Variants in MAP7D3 observed in about 807,000 individuals in gnomAD.
MAP7D3 encodes the protein MAP7 domain-containing protein 3.
Under a neutral mutation model 62.2 loss-of-function variants are expected in MAP7D3, and 45 were observed. The observed-to-expected ratio is 0.72, with a 90% CI of 0.57 to 0.93. The LOEUF (loss-of-function observed/expected upper bound fraction) is 0.93, where lower values mean the gene tolerates loss of function less well. Among genes scored for constraint, MAP7D3 ranks in the 40% least tolerant of loss-of-function variants. The probability of loss-of-function intolerance (pLI) is 0.00; values close to 1 mark genes in which losing one functional copy is unlikely to be tolerated. For missense variants in MAP7D3, 711 were observed against 683.1 expected (o/e 1.04, Z -0.45); for synonymous variants, 288 against 248.8 (o/e 1.16, Z -1.48).
intron 13 of MAP7D3, among the ~76,000 whole-genome samples, 164 bp from the exon 14 acceptor site, chrX:136,225,044 C>T (rs1603277746): frequency 8.9e-6 from 1 of 112,073 alleles, no homozygotes; most frequent in East Asian, 2.8e-4. Context: ...AGTTGAGTCC[C>T]CTATCCCAAT....
chrX:136,220,990 T>A (rs367725551), intron 15 of MAP7D3, 27 bp from the exon 16 acceptor site: 1 of 1,052,407 alleles, frequency 9.5e-7, no homozygotes, highest in Non-Finnish European at 1.3e-6. Flanking sequence ...CACAATTAAA[T>A]ATGGAGTTTC....
rs1312380475 is a variant in MAP7D3 at position 136,231,995 on chromosome X, G to A, written c.962C>T (p.Ala321Val). 9.1e-6 allele frequency: 11 copies of A among 1,211,181 alleles called. No homozygotes were observed. Among genetic ancestry groups the A allele is most frequent in the Non-Finnish European group, 1.1e-6 (1 of 895,014 alleles). Reference sequence around the variant, plus strand: ...CATGCCCACACCTGCCTTGGGGGACGCTTCCATGCTTGTGTTGCAGAATAC... The same window carrying A: ...CATGCCCACACCTGCCTTGGGGGACACTTCCATGCTTGTGTTGCAGAATAC... ...VEVFCNTSMEASPKAGVGMAP... is the reference protein window; with the variant it reads ...VEVFCNTSMEVSPKAGVGMAP... Residue 321 changes from alanine (A) to valine (V), a missense_variant, in exon 8 of 19, where the codon GCG becomes GTG. Coordinates refer to ENST00000316077, the MANE Select transcript of MAP7D3 (RefSeq NM_024597.4).
chrX:136,240,196 G>A (rs1367139132), intron 6 of MAP7D3, among the ~76,000 whole-genome samples, 186 bp downstream of exon 6: 1 of 87,826 alleles, frequency 1.1e-5, no homozygotes, highest in Non-Finnish European at 2.3e-5. Flanking sequence ...GCAACAGAGT[G>A]AGACTCTGTC....
intron 4 of MAP7D3, among the ~76,000 whole-genome samples, chrX:136,242,412 T>C (rs1192638650): frequency 9.0e-6 from 1 of 110,859 alleles, no homozygotes; most frequent in African/African-American, 3.3e-5. Flanking sequence ...CCATTTCATA[T>C]ACACCTCCTG....
intron 10 of MAP7D3, among the ~76,000 whole-genome samples, chrX:136,229,851 C>T (rs2074240382): frequency 9.5e-6 from 1 of 105,814 alleles, no homozygotes; most frequent in African/African-American, 3.5e-5. Context: ...CAGATGTGTA[C>T]CACCTTAAGC....
chrX:136,222,574 C>A (rs946075964), intron 14 of MAP7D3, 88 bp from the exon 15 acceptor site: 9 of 724,336 alleles, frequency 1.2e-5, no homozygotes, highest in Non-Finnish European at 1.6e-5. Flanking sequence ...CAAAGCTGGA[C>A]TGATGGCTAA....
At chrX:136,254,571 A>G (rs1194220860), upstream of MAP7D3, among the ~76,000 whole-genome samples, 1 of 111,765 alleles carries the variant, frequency 8.9e-6, no homozygotes, top group Non-Finnish European at 1.9e-5. Flanking sequence ...ATCCAGGAAT[A>G]ACCACATACA....
intron 5 of MAP7D3, among the ~76,000 whole-genome samples, chrX:136,240,894 T>C (rs1009113934): frequency 5.3e-5 from 6 of 112,878 alleles, no homozygotes; most frequent in Non-Finnish European, 9.4e-5. Context: ...TGATAAGCTG[T>C]GTAAAGCTTA....
At chrX:136,232,276 T>G (rs2074281040) in intron 7 of MAP7D3, 56 bp from the exon 8 acceptor site, 9 of 825,043 alleles carry the variant, frequency 1.1e-5, no homozygotes, top group Non-Finnish European at 1.6e-5. Context: ...AAGAAAAGGA[T>G]GCACCAGGTA....
At chrX:136,233,141 A>G (rs1416763629) in intron 7 of MAP7D3, among the ~76,000 whole-genome samples, 1 of 111,670 alleles carries the variant, frequency 9.0e-6, no homozygotes, top group Non-Finnish European at 1.9e-5. Context: ...GACATAGAAG[A>G]TGGAAAGCAG....
In MAP7D3 at chrX:136,246,287, C is replaced by T. The variant is rs777162413; in HGVS notation, c.125G>A (p.Arg42His). ...KERRKQDVVN[R>H]VATHSSNIRS... ...TATATTTGAGGAATGGGTTGCAACA[C>T]GATTAACCACATCTTGCTTCCTCCT... Residue 42 changes from arginine to histidine, a missense_variant, in exon 2 of 19, where the codon CGT (arginine) becomes CAT (histidine). Arg to His is a conservative substitution (Grantham distance 29, BLOSUM62 0). Transcript: ENST00000316077. 258 of 1,203,071 alleles carry T rather than the reference C, an allele frequency of 2.1e-4. 1 individual carries two copies. Among genetic ancestry groups the T allele is most frequent in the Non-Finnish European group, 2.7e-4 (241 of 889,644 alleles).
intron 14 of MAP7D3, 129 bp from the exon 15 acceptor site, chrX:136,222,615 AT>A (rs746015558): frequency 1.7e-5 from 9 of 517,689 alleles, no homozygotes; most frequent in Middle Eastern, 5.7e-4. Context: ...AGGTAAAAAA[AT>A]ATAACCTCTT....
chrX:136,230,944 G>T lies in MAP7D3; in HGVS notation c.1436C>A (p.Ala479Asp). The T allele has an allele frequency of 8.3e-7, 1 of 1,198,804 alleles. No individual in the cohort carries two copies. The highest frequency in any genetic ancestry group is 1.1e-6 in the Non-Finnish European group (1 of 885,432). Residue 479 changes from alanine to aspartate, a missense_variant, in exon 9 of 19, where the codon GCC becomes GAC. Transcript: ENST00000316077. ...ACGCTTCTTGGCAATAGGGATTAAG[G>T]CCTGTTTGTCCATTTCTGATTTCTG... ...APKKSEMDKQ[A>D]LIPIAKKRLS... is the part of the protein sequence containing the mutation.
At chrX:136,242,608 T>C (rs1294285044) in intron 4 of MAP7D3, among the ~76,000 whole-genome samples, 1 of 111,584 alleles carries the variant, frequency 9.0e-6, no homozygotes, top group African/African-American at 3.3e-5. Flanking sequence ...TGTGGCTCCC[T>C]TTCTGTCTGC....
chrX:136,255,743 C>T (rs1017590804), upstream of MAP7D3, among the ~76,000 whole-genome samples: 1 of 110,968 alleles, frequency 9.0e-6, no homozygotes, highest in Admixed American at 9.6e-5. Context: ...GGCTCCTCTC[C>T]TCTCCTCTCC....
Position 136,241,211 on chromosome X carries a change from T to C in MAP7D3, c.484A>G (p.Lys162Glu). The part of the protein sequence containing the change: ...RRRLADDYQQ[K>E]RWSWGGSAMA... ...GCAGAGCCTCCCCATGACCATCTTT[T>C]TTGCTGATAATCATCAGCAAGTCTC... is the stretch of plus-strand genomic sequence containing the variant. The change falls in exon 5 of 19, where the codon AAA becomes GAA. Residue 162 changes from lysine to glutamate, a missense_variant. Physicochemically the swap from Lys to Glu is moderately conservative, Grantham distance 56 (BLOSUM62 1). Coordinates refer to ENST00000316077, the MANE Select transcript of MAP7D3 (RefSeq NM_024597.4). 1.7e-6 allele frequency: 2 copies of C among 1,194,981 alleles called. No individual in the cohort carries two copies. Among genetic ancestry groups the C allele is most frequent in the Non-Finnish European group, 2.3e-6 (2 of 885,167 alleles).
chrX:136,219,880 G>A (rs956362750), intron 16 of MAP7D3: 5 of 457,001 alleles, frequency 1.1e-5, no homozygotes, highest in Middle Eastern at 5.9e-4. Context: ...TAGGTCCCAC[G>A]GAAGCACCAG....
chrX:136,227,582 A>G (rs981500671), intron 11 of MAP7D3, 151 bp from the exon 12 acceptor site: 61 of 382,005 alleles, frequency 1.6e-4, no homozygotes, highest in Non-Finnish European at 2.3e-4. Flanking sequence ...GTTACTATAT[A>G]GGAATTACAC....
rs752551909 is a variant in MAP7D3 at position 136,227,424 on chromosome X, T to C, written c.1894A>G (p.Lys632Glu). 1 of 1,187,264 alleles carries C rather than the reference T, an allele frequency of 8.4e-7. No individual in the cohort carries two copies. Among genetic ancestry groups the C allele is most frequent in the Non-Finnish European group, 1.1e-6 (1 of 875,888 alleles). ...QREEMQQRVI[K>E]KSKDMAKEAV... is the part of the protein sequence containing the mutation. ...TCCTTTGCCATGTCTTTTGATTTCT[T>C]AATGACCCTGAGAGTATTTAAATAA... is the stretch of plus-strand genomic sequence containing the variant. Residue 632 changes from lysine to glutamate, a missense_variant, in exon 12 of 19, where the codon AAG (lysine) becomes GAG (glutamate). By Grantham distance (56) the Lys-to-Glu change is moderately conservative. Coordinates refer to ENST00000316077, the MANE Select transcript of MAP7D3 (RefSeq NM_024597.4).
Sources: gnomAD v4.1 joint callset for allele counts (sites outside exome capture counted in the v4.1 genomes callset) on GRCh38, gnomAD v4.1.1 for gene constraint, MANE v1.5 for transcripts, NCBI Gene and HGNC (gene_info 2026-07-23, HGNC 2026-07-21) for gene names.